Variants in RUNDC3B observed in about 807,000 individuals in gnomAD.
RUNDC3B encodes the protein RUN domain-containing protein 3B.
Under a neutral mutation model 58.4 loss-of-function variants are expected in RUNDC3B, and 33 were observed. The ratio of observed to expected loss-of-function variants is 0.56; its 90% CI spans 0.43 to 0.75. RUNDC3B has a LOEUF of 0.75. Among genes scored for constraint, RUNDC3B ranks in the 30% least tolerant of loss-of-function variants. RUNDC3B has a pLI of 0.00. For synonymous variants in RUNDC3B, 193 were observed against 195.2 expected (o/e 0.99, Z 0.10); for missense variants, 501 against 535.7 (o/e 0.94, Z 0.64).
chr7:87,672,923 T>C lies in RUNDC3B; in HGVS notation c.238+21986T>C, dbSNP rs566081690. Among the ~76,000 whole-genome samples the C allele has an allele frequency of 5.3e-4, 81 of 152,246 alleles. 1 individual carries two copies. Among genetic ancestry groups the C allele is most frequent in the African/African-American group, 1.8e-3 (74 of 41,552 alleles). ...CAATGTGAGTACCTGGATGTTTCAA[T>C]TGAAGGTGCTATATTAACTTGTCTT... is the stretch of plus-strand genomic sequence containing the variant. On this transcript the variant is annotated intron_variant, in intron 2 of 10. Transcript: ENST00000394654.
intron 4 of RUNDC3B, among the ~76,000 whole-genome samples, chr7:87,726,452 T>C (rs1384982848): frequency 6.6e-6 from 1 of 152,202 alleles, no homozygotes; most frequent in African/African-American, 2.4e-5. Flanking sequence ...TTGGTCTATA[T>C]ATCTGTTTTG....
rs141471044 is a variant in RUNDC3B at position 87,741,677 on chromosome 7, C to G, written c.629+98C>G. The G allele has an allele frequency of 4.6e-6, 3 of 647,760 alleles. No homozygotes were observed. In the African/African-American group the frequency reaches 5.8e-5, roughly 13 times the overall value. 40.1% of individuals were successfully genotyped at this position (647,760 alleles called of 1,614,324 possible). ...TCAAAACTACTTTGTACTAAATATT[C>G]GTTCCAATATCAGAAATCATTAAAG... On this transcript the variant is annotated intron_variant, in intron 6 of 10. Transcript: ENST00000394654.
chr7:87,786,762 A>G (rs935644216), intron 8 of RUNDC3B, among the ~76,000 whole-genome samples: 1 of 152,138 alleles, frequency 6.6e-6, no homozygotes, highest in African/African-American at 2.4e-5. Flanking sequence ...CTTACTTTGG[A>G]TAATTGAAAG....
chr7:87,741,130 G>C (rs939677779), intron 5 of RUNDC3B, among the ~76,000 whole-genome samples: 1 of 151,700 alleles, frequency 6.6e-6, no homozygotes, highest in Admixed American at 6.6e-5. Context: ...GCTGGAACCC[G>C]GGAGGCAGAG....
intron 8 of RUNDC3B, among the ~76,000 whole-genome samples, chr7:87,793,191 T>C (rs1324673657): frequency 6.6e-6 from 1 of 151,968 alleles, no homozygotes; most frequent in Non-Finnish European, 1.5e-5. Context: ...GTAATGAGAT[T>C]TAAACCATAA....
At chr7:87,736,405 C>T (rs1831935006) in intron 4 of RUNDC3B, among the ~76,000 whole-genome samples, 3 of 151,998 alleles carry the variant, frequency 2.0e-5, no homozygotes, top group Admixed American at 1.3e-4. Flanking sequence ...ACAGAATGGA[C>T]ACCAAGGTGG....
intron 2 of RUNDC3B, among the ~76,000 whole-genome samples, chr7:87,671,813 G>T (rs1162397664): frequency 6.6e-6 from 1 of 152,182 alleles, no homozygotes; most frequent in Non-Finnish European, 1.5e-5. Flanking sequence ...AAACCTGAAG[G>T]CTGGAAAAGC....
intron 2 of RUNDC3B, among the ~76,000 whole-genome samples, chr7:87,657,243 G>C (rs185546269): frequency 6.6e-6 from 1 of 152,140 alleles, no homozygotes; most frequent in Non-Finnish European, 1.5e-5. Context: ...ACTGGGTGTT[G>C]GATAAGCCAG....
At chr7:87,651,438 G>A (rs1823558256) in intron 2 of RUNDC3B, among the ~76,000 whole-genome samples, 1 of 151,908 alleles carries the variant, frequency 6.6e-6, no homozygotes, top group East Asian at 1.9e-4. Flanking sequence ...ATTTAAAGGG[G>A]AACTTGGAAG....
At chr7:87,637,907 T>C (rs889125410) in intron 1 of RUNDC3B, among the ~76,000 whole-genome samples, 2 of 152,096 alleles carry the variant, frequency 1.3e-5, no homozygotes, top group Non-Finnish European at 2.9e-5. Context: ...TTTGTCTTAT[T>C]GCACTGGCTA....
At chr7:87,734,774 C>G (rs1325590194) in intron 4 of RUNDC3B, among the ~76,000 whole-genome samples, 4 of 152,110 alleles carry the variant, frequency 2.6e-5, no homozygotes, top group Non-Finnish European at 5.9e-5. Flanking sequence ...GGATATTTCT[C>G]TGTCCATACT....
At chr7:87,822,809 G>A (rs1304162963) in intron 10 of RUNDC3B, among the ~76,000 whole-genome samples, 1 of 152,062 alleles carries the variant, frequency 6.6e-6, no homozygotes, top group African/African-American at 2.4e-5. Context: ...AACACTGCAT[G>A]TTCTCACTCA....
intron 2 of RUNDC3B, among the ~76,000 whole-genome samples, chr7:87,651,983 A>C (rs1208303678): frequency 1.3e-5 from 2 of 152,032 alleles, no homozygotes; most frequent in African/African-American, 4.8e-5. Context: ...GTGTTTCCTA[A>C]ATTTTCTGCC....
chr7:87,739,660 TG>T (rs1002024997), intron 4 of RUNDC3B, 130 bp from the exon 5 acceptor site: 22 of 417,768 alleles, frequency 5.3e-5, no homozygotes, highest in South Asian at 4.8e-4. Flanking sequence ...GATGGAAATA[TG>T]TTTTTTTTAA....
In RUNDC3B at chr7:87,628,591, GT is replaced by G; in HGVS notation, c.-232del. 1.4e-5 allele frequency: 1 copy of G among 70,990 alleles called. No homozygotes were observed. The highest frequency in any genetic ancestry group is 2.8e-5 in the Non-Finnish European group (1 of 35,890). 4.4% of individuals were successfully genotyped at this position (70,990 alleles called of 1,614,324 possible). On this transcript the variant is annotated 5_prime_UTR_variant, in exon 1 of 11. Coordinates refer to ENST00000394654, the MANE Select transcript of RUNDC3B (RefSeq NM_001134405.2). ...GGAGGTGGTGCGTGCGTGCGTGTGT[GT>G]GTGTGTGTGTGTGTGTGTGTGTGTG...
chr7:87,740,212 T>G (rs1274099842), intron 5 of RUNDC3B, among the ~76,000 whole-genome samples: 1 of 152,210 alleles, frequency 6.6e-6, no homozygotes, highest in East Asian at 1.9e-4. Flanking sequence ...GCTTTAAAAT[T>G]AAAAGAAATA....
At chr7:87,816,382 G>T in intron 10 of RUNDC3B, 120 bp downstream of exon 10, 1 of 719,416 alleles carries the variant, frequency 1.4e-6, no homozygotes, top group Non-Finnish European at 2.2e-6. Context: ...AAATTAAGCA[G>T]CCATTATGAT....
At chr7:87,639,153 CAAAA>C (rs71117547) in intron 1 of RUNDC3B, among the ~76,000 whole-genome samples, 2 of 87,732 alleles carry the variant, frequency 2.3e-5, no homozygotes, top group Non-Finnish European at 2.1e-5. Context: ...GACTCCGTCT[CAAAA>C]AAAAAAAAAA....
rs1835277940 is a variant in RUNDC3B, at chr7:87,787,365, A to T, written c.956+9410A>T. On this transcript the variant is annotated intron_variant, in intron 8 of 10. Coordinates refer to ENST00000394654, the MANE Select transcript of RUNDC3B (RefSeq NM_001134405.2). ...AGCCCTCAGAAAATTAAAATTGTAA[A>T]GGAAAAGGCCAGAGAAGGAATACTG... Among the ~76,000 whole-genome samples the T allele has an allele frequency of 2.0e-5, 3 of 152,288 alleles. No individual in the cohort carries two copies. In the South Asian group the frequency reaches 6.2e-4, roughly 32 times the overall value.
Sources: gnomAD v4.1 joint callset for allele counts (sites outside exome capture counted in the v4.1 genomes callset) on GRCh38, gnomAD v4.1.1 for gene constraint, MANE v1.5 for transcripts, NCBI Gene and HGNC (gene_info 2026-07-23, HGNC 2026-07-21) for gene names.